Variants in VPS13A observed in about 807,000 individuals in gnomAD.
VPS13A encodes the protein vacuolar protein sorting 13 homolog A.
A neutral mutation model predicts 390.9 loss-of-function variants in VPS13A; 264 were observed. The observed-to-expected ratio is 0.68, with a 90% CI of 0.61 to 0.75. VPS13A has a LOEUF of 0.75. VPS13A is among the 30% of genes least tolerant of loss of function. VPS13A has a pLI of 0.00. For synonymous variants in VPS13A, 1,231 were observed against 1,227.1 expected, an observed-to-expected ratio of 1.00 and a Z score of -0.07; for missense variants, 3,409 against 3,733.9, an observed-to-expected ratio of 0.91 and a Z score of 2.27.
At chr9:77,345,777 C>CT (rs2131525632) in intron 52 of VPS13A, among the ~76,000 whole-genome samples, 1 of 152,238 alleles carries the variant, frequency 6.6e-6, no homozygotes, top group East Asian at 1.9e-4. Context: ...TGCACTTCCA[C>CT]TTTCCTTCCA....
rs2131385328 is a variant in VPS13A, at chr9:77,299,519, T to C, written c.3813-3396T>C. Among the ~76,000 whole-genome samples, 2 of 152,296 alleles carry C rather than the reference T, an allele frequency of 1.3e-5. 1 individual carries two copies. Among genetic ancestry groups the C allele is most frequent in the South Asian group, 4.1e-4 (2 of 4,824 alleles). The stretch of plus-strand genomic sequence containing the variant: ...ACCATTGTGGAAAACAGTGTGGCGA[T>C]TCCTCAAGGATCTAGAACCAGAAAT... On this transcript the variant is annotated intron_variant, in intron 33 of 71. Transcript: ENST00000360280.
At chr9:77,352,199 T>C (rs1296449843) in intron 53 of VPS13A, among the ~76,000 whole-genome samples, 1 of 152,268 alleles carries the variant, frequency 6.6e-6, no homozygotes, top group Non-Finnish European at 1.5e-5. Context: ...AACAAACTTA[T>C]TTCTGAGTGG....
intron 17 of VPS13A, among the ~76,000 whole-genome samples, chr9:77,229,819 A>G (rs1220426955): frequency 1.3e-5 from 2 of 152,128 alleles, no homozygotes; most frequent in Non-Finnish European, 2.9e-5. Flanking sequence ...TGCTAATACT[A>G]TTTAACCTTT....
intron 24 of VPS13A, 127 bp downstream of exon 24, chr9:77,273,491 T>G (rs1178468782): frequency 1.4e-6 from 1 of 715,392 alleles, no homozygotes; most frequent in South Asian, 2.0e-5. Context: ...TCTAGGTTCT[T>G]GACTGAGGCT....
chr9:77,238,287 A>G lies in VPS13A; in HGVS notation c.1801A>G (p.Ile601Val). The change falls in exon 19 of 72, where the codon ATA (isoleucine) becomes GTA (valine). Residue 601 changes from isoleucine (I) to valine (V), a missense_variant. By Grantham distance (29) the Ile-to-Val change is conservative. Around this residue, in one of 5 missense-constraint regions of VPS13A, gnomAD observed 2,717 missense variants for 2,917.4 expected, o/e 0.93. Coordinates refer to ENST00000360280, the MANE Select transcript of VPS13A (RefSeq NM_033305.3). ...ATTTTAACAGAGGACAGTGAATAGT[A>G]TAGTGGAATTCTTCAGACCTCCAAA... ...IIYDARTVNSIVEFFRPPKEV... is the reference protein window; with the variant it reads ...IIYDARTVNSVVEFFRPPKEV... 2 of 1,613,870 alleles carry G rather than the reference A, an allele frequency of 1.2e-6. No homozygotes were observed. The highest frequency in any genetic ancestry group is 1.3e-5 in the African/African-American group (1 of 75,028).
At chr9:77,328,901 T>G (rs753355277) in intron 45 of VPS13A, among the ~76,000 whole-genome samples, 8 of 152,292 alleles carry the variant, frequency 5.3e-5, no homozygotes, top group Non-Finnish European at 1.2e-4. Flanking sequence ...TAGTGCAGCA[T>G]GGCTGGAGAG....
chr9:77,297,082 AT>A (rs920102606), intron 33 of VPS13A, among the ~76,000 whole-genome samples: 29 of 146,558 alleles, frequency 2.0e-4, no homozygotes, highest in Admixed American at 6.1e-4. Flanking sequence ...TTTTGGTTTT[AT>A]TTTTTTTTCT....
intron 33 of VPS13A, among the ~76,000 whole-genome samples, chr9:77,297,166 C>G (rs995841593): frequency 6.6e-6 from 1 of 151,066 alleles, no homozygotes; most frequent in African/African-American, 2.4e-5. Context: ...CAATTTTGCT[C>G]TTTTTATAAG....
At chr9:77,200,581 G>A (rs996054364) in intron 2 of VPS13A, among the ~76,000 whole-genome samples, 6 of 151,792 alleles carry the variant, frequency 4.0e-5, no homozygotes, top group African/African-American at 1.5e-4. Context: ...TTTAAGACAG[G>A]CTCATGCTGT....
At chr9:77,318,681 T>C in intron 41 of VPS13A, 90 bp downstream of exon 41, 4 of 1,252,442 alleles carry the variant, frequency 3.2e-6, no homozygotes, top group Non-Finnish European at 4.6e-6. Flanking sequence ...TATGGAATCT[T>C]GTGTAGCTAT....
chr9:77,357,869 G>T (rs750383308), intron 56 of VPS13A, 31 bp downstream of exon 56: 1 of 1,530,208 alleles, frequency 6.5e-7, no homozygotes, highest in African/African-American at 1.4e-5. Flanking sequence ...AGGCAAAATT[G>T]TATTCTAAAG....
At chr9:77,382,829 A>G in intron 68 of VPS13A, 1 of 985,414 alleles carries the variant, frequency 1.0e-6, no homozygotes, top group Non-Finnish European at 1.2e-6. Flanking sequence ...CATCTGGAAC[A>G]ATAGACAGTT....
At chr9:77,274,426 CAAAAAA>C (rs889400152) in intron 24 of VPS13A, among the ~76,000 whole-genome samples, 1 of 62,212 alleles carries the variant, frequency 1.6e-5, no homozygotes, top group Non-Finnish European at 3.2e-5. Context: ...GAGTCCGAAT[CAAAAAA>C]AAAAAAAAAA....
At position 77,295,577 on chromosome 9, in the gene VPS13A, C is replaced by T. The variant is rs1363670724; in HGVS notation, c.3543C>T (p.Ala1181=). The change falls in exon 33 of 72, where the codon GCC becomes GCT. Residue 1181 remains alanine (A), a synonymous_variant. Transcript: ENST00000360280. Reference sequence around the variant, plus strand: ...ATAATTTTCAGGCAGCTAAACAAGCCTTGGCTGAGGCAACTGTTCAGGCAG... The same window carrying T: ...ATAATTTTCAGGCAGCTAAACAAGCTTTGGCTGAGGCAACTGTTCAGGCAG... ...FIDNFQAAKQ[A]LAEATVQAAG... 6.2e-7 allele frequency: 1 copy of T among 1,611,542 alleles called. No homozygotes were observed.
rs752841599 is a variant in VPS13A at position 77,365,451 on chromosome 9, C to T, written c.8212-9C>T. ...CCTTTAGTTTTAATATTTTGTGTTC[C>T]TTTTATAGGTTGAGCTTTTTCATAA... On this transcript the variant is annotated splice_polypyrimidine_tract_variant and intron_variant, in intron 59 of 71. Transcript: ENST00000360280. 1.9e-6 allele frequency: 3 copies of T among 1,574,408 alleles called. No individual in the cohort carries two copies. Among genetic ancestry groups the T allele is most frequent in the Non-Finnish European group, 8.7e-7 (1 of 1,145,164 alleles).
At chr9:77,202,607 A>T (rs1369753136) in intron 3 of VPS13A, among the ~76,000 whole-genome samples, 1 of 152,222 alleles carries the variant, frequency 6.6e-6, no homozygotes, top group African/African-American at 2.4e-5. Context: ...ACTTTTACCA[A>T]AGGTCATTGA....
At chr9:77,380,134 C>T (rs1833348013) in intron 67 of VPS13A, among the ~76,000 whole-genome samples, 1 of 151,062 alleles carries the variant, frequency 6.6e-6, no homozygotes, top group African/African-American at 2.4e-5. Context: ...TTTTTAAAGG[C>T]TGTTTTTTTC....
intron 17 of VPS13A, among the ~76,000 whole-genome samples, chr9:77,234,842 G>A (rs72742595): frequency 0.055 from 8,299 of 151,890 alleles, 336 homozygotes; most frequent in South Asian, 0.12. Context: ...TTTTGTTGAG[G>A]GCTACTATAT....
At chr9:77,241,403 T>G (rs542698985) in intron 19 of VPS13A, among the ~76,000 whole-genome samples, 4 of 152,092 alleles carry the variant, frequency 2.6e-5, no homozygotes, top group Admixed American at 2.6e-4. Context: ...TCTTTTTTGG[T>G]TTTGTATTTC....
Sources: gnomAD v4.1 joint callset for allele counts (sites outside exome capture counted in the v4.1 genomes callset) on GRCh38, gnomAD v4.1.1 for gene constraint, gnomAD v4.1.1 regional missense constraint, MANE v1.5 for transcripts, NCBI Gene and HGNC (gene_info 2026-07-23, HGNC 2026-07-21) for gene names.